Variants in JMJD1C observed in about 807,000 individuals in gnomAD.
JMJD1C encodes jumonji domain-containing protein 1C.
In JMJD1C, 31 loss-of-function variants were observed where a neutral mutation model predicts 245.3. That is an observed-to-expected ratio of 0.13 (90% CI 0.09 to 0.17). The LOEUF (loss-of-function observed/expected upper bound fraction) is 0.17, where lower values mean the gene tolerates loss of function less well. Among genes scored for constraint, JMJD1C ranks in the 10% least tolerant of loss-of-function variants. JMJD1C has a pLI of 1.00. For synonymous variants in JMJD1C, 1,057 were observed against 1,017.4 expected (o/e 1.04, Z -0.74); for missense variants, 2,691 against 3,000.2 (o/e 0.90, Z 2.41).
chr10:63,454,257 ATTTT>A (rs112838462), intron 1 of JMJD1C, among the ~76,000 whole-genome samples: 1 of 146,066 alleles, frequency 6.8e-6, no homozygotes, highest in Non-Finnish European at 1.5e-5. Context: ...GGAGAAATTG[ATTTT>A]TTTTTTTTTT....
intron 2 of JMJD1C, among the ~76,000 whole-genome samples, chr10:63,315,613 G>A (rs149052556): frequency 4.2e-4 from 64 of 151,874 alleles, no homozygotes; most frequent in Non-Finnish European, 7.7e-4. Context: ...CCGAGGCAGC[G>A]GGCGGGTCAC....
At chr10:63,169,316 T>C (rs1240196586) in intron 24 of JMJD1C, among the ~76,000 whole-genome samples, 2 of 152,202 alleles carry the variant, frequency 1.3e-5, no homozygotes, top group East Asian at 3.8e-4. Flanking sequence ...CTGCTTTCTA[T>C]TAATGCCAGT....
At chr10:63,198,436 T>C (rs1845685070) in intron 12 of JMJD1C, 77 bp downstream of exon 12, 2 of 901,634 alleles carry the variant, frequency 2.2e-6, no homozygotes, top group Non-Finnish European at 3.4e-6. Context: ...GATTAGGGAC[T>C]TCTTTCACAA....
chr10:63,521,582 G>C, intron 1 of JMJD1C: 1 of 1,417,014 alleles, frequency 7.1e-7, no homozygotes, highest in East Asian at 3.1e-5. Context: ...CGTGGTGTAA[G>C]TGCCTCTCAC....
At chr10:63,321,734 T>C (rs1415286540) in intron 2 of JMJD1C, among the ~76,000 whole-genome samples, 1 of 152,208 alleles carries the variant, frequency 6.6e-6, no homozygotes, top group Non-Finnish European at 1.5e-5. Context: ...ATATCAAAGG[T>C]CTGATACTTT....
chr10:63,464,074 C>A (rs753411077), intron 1 of JMJD1C, among the ~76,000 whole-genome samples: 1 of 152,038 alleles, frequency 6.6e-6, no homozygotes, highest in Non-Finnish European at 1.5e-5. Context: ...AATCCTCTTA[C>A]CTCAGCCTTT....
At chr10:63,433,811 C>T (rs1296164569) in intron 1 of JMJD1C, among the ~76,000 whole-genome samples, 1 of 150,532 alleles carries the variant, frequency 6.6e-6, no homozygotes, top group African/African-American at 2.4e-5. Flanking sequence ...GAACTCTTGG[C>T]CTCAAGCAAT....
intron 3 of JMJD1C, among the ~76,000 whole-genome samples, chr10:63,233,164 T>C (rs1026728640): frequency 6.6e-6 from 1 of 152,194 alleles, no homozygotes; most frequent in Non-Finnish European, 1.5e-5. Context: ...TTTAATGGAA[T>C]CTCAAGGCTG....
Position 63,423,133 on chromosome 10 carries a change from T to G in JMJD1C, c.168+42362A>C, listed in dbSNP as rs369407548. On this transcript the variant is annotated intron_variant, in intron 1 of 25. Coordinates refer to ENST00000399262, the MANE Select transcript of JMJD1C (RefSeq NM_032776.3). ...GCATGTGCCACCACACCCAGCTAAT[T>G]TTTGTATTTTTCATAGAAACGGGGT... 5.9e-5 allele frequency among the ~76,000 whole-genome samples: 9 copies of G among 152,012 alleles called. No homozygotes were observed. In the East Asian group the frequency reaches 1.2e-3, roughly 20 times the overall value.
intron 3 of JMJD1C, among the ~76,000 whole-genome samples, chr10:63,261,943 A>T (rs1247669644): frequency 6.6e-6 from 1 of 152,206 alleles, no homozygotes; most frequent in African/African-American, 2.4e-5. Context: ...ACCACTCTAG[A>T]CTAAAAAATA....
intron 2 of JMJD1C, among the ~76,000 whole-genome samples, chr10:63,336,167 A>G (rs1942711901): frequency 1.3e-5 from 2 of 151,886 alleles, no homozygotes; most frequent in East Asian, 1.9e-4. Context: ...TGAAACACAA[A>G]TATCTAATAC....
intron 1 of JMJD1C, among the ~76,000 whole-genome samples, chr10:63,476,712 G>A (rs1953672440): frequency 6.6e-6 from 1 of 152,136 alleles, no homozygotes; most frequent in Admixed American, 6.5e-5. Context: ...CTGGATGACA[G>A]AGCAAAACCT....
chr10:63,412,967 G>C (rs1404756193), intron 1 of JMJD1C, among the ~76,000 whole-genome samples: 1 of 152,114 alleles, frequency 6.6e-6, no homozygotes, highest in Admixed American at 6.5e-5. Flanking sequence ...GAAGAATAGT[G>C]TATACGAGGG....
intron 3 of JMJD1C, among the ~76,000 whole-genome samples, chr10:63,239,714 G>T (rs1851247634): frequency 6.6e-6 from 1 of 152,118 alleles, no homozygotes; most frequent in Non-Finnish European, 1.5e-5. Flanking sequence ...CTAAGTGCTG[G>T]GATTATAGGC....
At chr10:63,364,098 T>C (rs1238168789) in intron 2 of JMJD1C, among the ~76,000 whole-genome samples, 3 of 151,750 alleles carry the variant, frequency 2.0e-5, no homozygotes, top group African/African-American at 7.3e-5. Context: ...CTCCTGACCT[T>C]AGGTGATCCG....
chr10:63,281,829 A>G (rs1177601078), intron 2 of JMJD1C, among the ~76,000 whole-genome samples: 1 of 152,122 alleles, frequency 6.6e-6, no homozygotes, highest in Non-Finnish European at 1.5e-5. Context: ...GAAATATTAT[A>G]CCATTAAATC....
chr10:63,249,693 T>C (rs1170767068), intron 3 of JMJD1C, among the ~76,000 whole-genome samples: 2 of 151,948 alleles, frequency 1.3e-5, no homozygotes, highest in Admixed American at 6.6e-5. Flanking sequence ...ACCCCGTCTC[T>C]ACTAAAAAAT....
intron 2 of JMJD1C, among the ~76,000 whole-genome samples, chr10:63,267,519 G>A (rs1482892902): frequency 6.6e-6 from 1 of 152,136 alleles, no homozygotes; most frequent in Non-Finnish European, 1.5e-5. Flanking sequence ...TAGAACTCAT[G>A]CATAACTAAT....
chr10:63,294,107 A>C (rs1409216787), intron 2 of JMJD1C, among the ~76,000 whole-genome samples: 2 of 152,092 alleles, frequency 1.3e-5, no homozygotes, highest in Admixed American at 1.3e-4. Flanking sequence ...AATCATCTTC[A>C]CCTTGCAGAT....
Sources: gnomAD v4.1 joint callset for allele counts (sites outside exome capture counted in the v4.1 genomes callset) on GRCh38, gnomAD v4.1.1 for gene constraint, MANE v1.5 for transcripts, NCBI Gene and HGNC (gene_info 2026-07-23, HGNC 2026-07-21) for gene names.